NBDY: variants seen among roughly 807,000 people sequenced by gnomAD.
NBDY encodes the protein negative regulator of P-body association.
intron 2 of NBDY, among the ~76,000 whole-genome samples, chrX:56,733,868 C>G (rs1361182305): frequency 8.9e-6 from 1 of 111,964 alleles, no homozygotes; most frequent in Admixed American, 9.5e-5. Context: ...CTTTTTAGTT[C>G]CAAGTACTTC....
Position 56,729,280 on chromosome X carries a change from T to C in NBDY, c.-74T>C, listed in dbSNP as rs2069445807. Reference sequence around the variant, plus strand: ...AGCCAGCTCTGTGCCTGGAGGGGACTCGCCGCCATCTCAGGTCTCTTGGCT... The same window carrying C: ...AGCCAGCTCTGTGCCTGGAGGGGACCCGCCGCCATCTCAGGTCTCTTGGCT... On this transcript the variant is annotated 5_prime_UTR_variant, in exon 1 of 3. Coordinates refer to ENST00000374922, the MANE Select transcript of NBDY (RefSeq NM_001348129.2). The C allele has an allele frequency of 6.8e-6, 2 of 293,423 alleles. No individual in the cohort carries two copies. Among genetic ancestry groups the C allele is most frequent in the East Asian group, 9.6e-5 (2 of 20,855 alleles). The allele number at this position is 293,423 out of a possible 1,213,427, so 24.2% of individuals were successfully genotyped here. A position where few individuals can be genotyped will look rare whatever the true frequency, so the allele number is the denominator to read the frequency against.
intron 2 of NBDY, among the ~76,000 whole-genome samples, chrX:56,784,161 C>G (rs1199675895): frequency 8.9e-6 from 1 of 112,303 alleles, no homozygotes; most frequent in Non-Finnish European, 1.9e-5. Context: ...GTGCTCAGCT[C>G]CCCCTAGGCA....
chrX:56,767,632 C>T (rs373625680), intron 2 of NBDY, among the ~76,000 whole-genome samples: 311 of 113,589 alleles, frequency 2.7e-3, no homozygotes, highest in African/African-American at 9.2e-3. Context: ...GGCTTAGCAA[C>T]TGGGCCAGCA....
chrX:56,740,920 CTATCAAATAATAGGTCT>C (rs1168728743), intron 2 of NBDY, among the ~76,000 whole-genome samples: 3 of 110,473 alleles, frequency 2.7e-5, no homozygotes, highest in Non-Finnish European at 5.7e-5. Flanking sequence ...CCCTGCTGTC[CTATCAAATAATAGGTCT>C]TATTCATTCT....
chrX:56,747,335 G>A (rs2069562804), intron 2 of NBDY, among the ~76,000 whole-genome samples: 1 of 111,965 alleles, frequency 8.9e-6, no homozygotes, highest in African/African-American at 3.2e-5. Context: ...AGCAAGACTA[G>A]AAGAGCCAGG....
intron 1 of NBDY, among the ~76,000 whole-genome samples, chrX:56,730,910 A>C (rs1053433491): frequency 1.8e-5 from 2 of 111,678 alleles, no homozygotes; most frequent in Non-Finnish European, 3.8e-5. Context: ...CAAAGGAGAG[A>C]AGCATCTTTT....
At chrX:56,731,192 CAT>C (rs1398635157) in intron 1 of NBDY, among the ~76,000 whole-genome samples, 2 of 110,525 alleles carry the variant, frequency 1.8e-5, no homozygotes, top group Non-Finnish European at 3.8e-5. Context: ...TTACTTCTCA[CAT>C]GTTTACCTCT....
At chrX:56,764,015 C>T (rs981346829) in intron 2 of NBDY, among the ~76,000 whole-genome samples, 6 of 112,253 alleles carry the variant, frequency 5.3e-5, no homozygotes, top group African/African-American at 1.6e-4. Context: ...AAAGAGATGG[C>T]GGCATGGAGC....
intron 2 of NBDY, among the ~76,000 whole-genome samples, chrX:56,795,725 G>A (rs140374519): frequency 8.9e-6 from 1 of 112,203 alleles, no homozygotes; most frequent in East Asian, 2.8e-4. Flanking sequence ...CATGGAACAG[G>A]CTTCACCCGA....
chrX:56,738,979 C>T (rs142288868), intron 2 of NBDY, among the ~76,000 whole-genome samples: 436 of 108,813 alleles, frequency 4.0e-3, no homozygotes, highest in African/African-American at 0.013. Flanking sequence ...TTCCTTCCTC[C>T]TGGGTATGGG....
In NBDY at chrX:56,757,100, A is replaced by G. The variant is rs186162473; in HGVS notation, c.*166+24901A>G. 1.5e-3 allele frequency among the ~76,000 whole-genome samples: 172 copies of G among 112,773 alleles called. 1 individual carries two copies. The highest frequency in any genetic ancestry group is 6.2e-4 in the Non-Finnish European group (33 of 53,357). On this transcript the variant is annotated intron_variant, in intron 2 of 2. Transcript: ENST00000374922. Reference sequence around the variant, plus strand: ...TGGCTTTTGATAAGTATAATTCTCAAATATGATCAGAATTAGAATATATTG... The same window carrying G: ...TGGCTTTTGATAAGTATAATTCTCAGATATGATCAGAATTAGAATATATTG...
intron 2 of NBDY, among the ~76,000 whole-genome samples, chrX:56,747,600 C>A (rs2069563863): frequency 9.0e-6 from 1 of 111,554 alleles, no homozygotes; most frequent in African/African-American, 3.3e-5. Flanking sequence ...TACAAAGGCT[C>A]AAGATAGATC....
chrX:56,759,386 C>T (rs1450583734), intron 2 of NBDY, among the ~76,000 whole-genome samples: 10 of 112,067 alleles, frequency 8.9e-5, no homozygotes, highest in Non-Finnish European at 1.7e-4. Flanking sequence ...GGCTGGATGC[C>T]GAAACAGGAT....
intron 2 of NBDY, among the ~76,000 whole-genome samples, chrX:56,736,032 C>T (rs1453519719): frequency 9.1e-6 from 1 of 109,678 alleles, no homozygotes; most frequent in East Asian, 2.9e-4. Flanking sequence ...CTTTATGATA[C>T]ACACATTTCT....
At chrX:56,816,616 C>T (rs2069911830) in intron 2 of NBDY, among the ~76,000 whole-genome samples, 1 of 110,838 alleles carries the variant, frequency 9.0e-6, no homozygotes, top group African/African-American at 3.3e-5. Context: ...ATTATTAAGA[C>T]ATTTATAAGT....
chrX:56,739,301 G>T (rs35021668), intron 2 of NBDY, among the ~76,000 whole-genome samples: 30,547 of 66,836 alleles, frequency 0.46, 8,152 homozygotes, highest in Non-Finnish European at 0.62. Context: ...TATATATATA[G>T]AGAGAGAGAG....
chrX:56,816,645 G>A (rs187383793), intron 2 of NBDY, among the ~76,000 whole-genome samples: 71 of 110,217 alleles, frequency 6.4e-4, no homozygotes, highest in African/African-American at 2.3e-3. Flanking sequence ...ACAAATTGCC[G>A]AAGTGTATGC....
At chrX:56,753,866 A>G (rs1352156680) in intron 2 of NBDY, among the ~76,000 whole-genome samples, 1 of 111,444 alleles carries the variant, frequency 9.0e-6, no homozygotes, top group Non-Finnish European at 1.9e-5. Flanking sequence ...ATTTATTGGC[A>G]TAGAAGGGAC....
Position 56,818,713 on chromosome X carries a change from T to C in NBDY, c.*1560T>C, listed in dbSNP as rs1383639399. ...TTCTAAAGTTCATATGAAAATGTAA[T>C]GGACCCAGAATAGCCAAAACAATCT... On this transcript the variant is annotated 3_prime_UTR_variant, in exon 3 of 3. Coordinates refer to ENST00000374922, the MANE Select transcript of NBDY (RefSeq NM_001348129.2). 1 of 111,935 alleles carries C rather than the reference T, an allele frequency of 8.9e-6. No homozygotes were observed. The highest frequency in any genetic ancestry group is 3.2e-5 in the African/African-American group (1 of 30,859). 9.2% of individuals were successfully genotyped at this position (111,935 alleles called of 1,213,427 possible). A position where few individuals can be genotyped will look rare whatever the true frequency, so the allele number is the denominator to read the frequency against.
Sources: allele counts gnomAD v4.1 joint callset (sites outside exome capture counted in the v4.1 genomes callset), GRCh38; gene constraint gnomAD v4.1.1; transcripts MANE v1.5; gene names NCBI Gene and HGNC (gene_info 2026-07-23, HGNC 2026-07-21).